Variants in SPRY3 observed in about 807,000 individuals in gnomAD.
SPRY3 encodes sprouty RTK signaling antagonist 3, also known as protein sprouty homolog 3.
Under a neutral mutation model 20.2 loss-of-function variants are expected in SPRY3, and 15 were observed. The observed-to-expected ratio is 0.74, with a 90% CI of 0.50 to 1.14. The LOEUF is 1.14. Ranked by LOEUF, SPRY3 falls within the 50% of genes most tolerant of loss-of-function variation. SPRY3 has a pLI of 0.00. For missense variants in SPRY3, 364 were observed against 363.9 expected, an observed-to-expected ratio of 1.00 and a Z score of 0.00; for synonymous variants, 143 against 136.5, an observed-to-expected ratio of 1.05 and a Z score of -0.33.
At chrX:155,699,991 T>G (rs1284649521) in intron 2 of SPRY3, among the ~76,000 whole-genome samples, 1 of 100,335 alleles carries the variant, frequency 1.0e-5, no homozygotes, top group Non-Finnish European at 2.0e-5. Flanking sequence ...TTTTTTTTTT[T>G]GTATATATGT....
At chrX:155,747,944 C>G (rs1264837905) in intron 2 of SPRY3, among the ~76,000 whole-genome samples, 3 of 151,784 alleles carry the variant, frequency 2.0e-5, no homozygotes, top group African/African-American at 7.3e-5. Flanking sequence ...AAATACTTAC[C>G]ATTTGTATAC....
intron 2 of SPRY3, among the ~76,000 whole-genome samples, chrX:155,715,078 G>A (rs983062874): frequency 6.6e-6 from 1 of 152,110 alleles, no homozygotes; most frequent in African/African-American, 2.4e-5. Flanking sequence ...CCTCACTGTG[G>A]CTGAGCTAGT....
intron 2 of SPRY3, among the ~76,000 whole-genome samples, chrX:155,719,299 C>T (rs952508858): frequency 1.3e-5 from 2 of 152,090 alleles, no homozygotes; most frequent in Non-Finnish European, 2.9e-5. Context: ...AAATCACCAG[C>T]CCTAATGGTC....
chrX:155,657,966 A>G (rs782122926), intron 2 of SPRY3, among the ~76,000 whole-genome samples: 6 of 111,621 alleles, frequency 5.4e-5, no homozygotes, highest in Admixed American at 2.8e-4. Context: ...GAGATGAATA[A>G]TGTACCTCAG....
At chrX:155,708,313 T>A (rs1329044571) in intron 2 of SPRY3, among the ~76,000 whole-genome samples, 3 of 151,480 alleles carry the variant, frequency 2.0e-5, no homozygotes, top group African/African-American at 7.3e-5. Context: ...AACAGATTTT[T>A]TTCTCTCAGC....
intron 1 of SPRY3, among the ~76,000 whole-genome samples, chrX:155,641,533 G>A (rs1460438253): frequency 8.7e-6 from 1 of 115,097 alleles, no homozygotes; most frequent in African/African-American, 3.1e-5. Context: ...CTTCCACAGC[G>A]TGGAAGGGGT....
intron 1 of SPRY3, among the ~76,000 whole-genome samples, chrX:155,632,689 C>T (rs1450932880): frequency 3.6e-5 from 4 of 112,316 alleles, no homozygotes; most frequent in Non-Finnish European, 5.6e-5. Context: ...AGTGCAATGT[C>T]ACTTCTGTCA....
At chrX:155,709,042 A>G (rs1411736634) in intron 2 of SPRY3, among the ~76,000 whole-genome samples, 1 of 151,552 alleles carries the variant, frequency 6.6e-6, no homozygotes, top group East Asian at 1.9e-4. Context: ...CATTGTGTAT[A>G]TGTACATTTT....
chrX:155,758,303 G>A (rs1158907843), intron 2 of SPRY3, among the ~76,000 whole-genome samples: 2 of 152,202 alleles, frequency 1.3e-5, no homozygotes, highest in African/African-American at 4.8e-5. Context: ...GGAAAATAGG[G>A]CCTAGAGATG....
intron 3 of SPRY3, among the ~76,000 whole-genome samples, chrX:155,768,670 G>C (rs377611502): frequency 6.6e-5 from 10 of 152,134 alleles, no homozygotes; most frequent in Non-Finnish European, 1.5e-4. Flanking sequence ...CTTACATTGA[G>C]TCAGAGCAGT....
chrX:155,731,460 C>A (rs923208260), intron 2 of SPRY3, among the ~76,000 whole-genome samples: 1 of 151,654 alleles, frequency 6.6e-6, no homozygotes, highest in Non-Finnish European at 1.5e-5. Flanking sequence ...TATCTACATG[C>A]AGAATGAAAC....
intron 1 of SPRY3, among the ~76,000 whole-genome samples, chrX:155,613,435 G>A (rs782806386): frequency 1.8e-5 from 2 of 111,062 alleles, no homozygotes; most frequent in Non-Finnish European, 3.8e-5. Flanking sequence ...TACAAAGAAG[G>A]ACCAAAAAGT....
intron 2 of SPRY3, among the ~76,000 whole-genome samples, chrX:155,737,604 T>C (rs1490089053): frequency 1.3e-5 from 2 of 152,048 alleles, no homozygotes; most frequent in Non-Finnish European, 2.9e-5. Context: ...AAATAAAGAA[T>C]GAATAAAAAA....
chrX:155,767,228 G>T (rs2091337540), intron 2 of SPRY3, among the ~76,000 whole-genome samples: 1 of 151,890 alleles, frequency 6.6e-6, no homozygotes, highest in Non-Finnish European at 1.5e-5. Flanking sequence ...ACACGCGGGG[G>T]GAGGGGGGAG....
At chrX:155,780,298 C>G (rs1341278062), downstream of SPRY3, 9 of 167,114 alleles carry the variant, frequency 5.4e-5, no homozygotes, top group East Asian at 1.7e-3. Flanking sequence ...ACTAACTAAA[C>G]TGCTGAACAC....
intron 2 of SPRY3, among the ~76,000 whole-genome samples, chrX:155,696,188 C>T: frequency 1.9e-5 from 2 of 107,873 alleles, no homozygotes. Flanking sequence ...TCACAATTCT[C>T]AAGTGTTTAT....
intron 3 of SPRY3, among the ~76,000 whole-genome samples, chrX:155,773,314 A>C (rs1355253474): frequency 2.2e-5 from 3 of 137,182 alleles, no homozygotes; most frequent in Non-Finnish European, 4.6e-5. Flanking sequence ...TTGGATATAT[A>C]TATATATATA....
intron 2 of SPRY3, among the ~76,000 whole-genome samples, chrX:155,719,158 G>A (rs1347397614): frequency 6.6e-6 from 1 of 152,214 alleles, no homozygotes; most frequent in East Asian, 1.9e-4. Context: ...TTGTGCACTG[G>A]GGGAGGGAGA....
intron 1 of SPRY3, among the ~76,000 whole-genome samples, chrX:155,635,578 G>T (rs2067920722): frequency 1.8e-5 from 2 of 111,740 alleles, no homozygotes; most frequent in Non-Finnish European, 3.8e-5. Flanking sequence ...CTTCCCCAAA[G>T]AAGACATTTA....
Sources: allele counts gnomAD v4.1 joint callset (sites outside exome capture counted in the v4.1 genomes callset), GRCh38; gene constraint gnomAD v4.1.1; transcripts MANE v1.5; gene names NCBI Gene and HGNC (gene_info 2026-07-23, HGNC 2026-07-21).